Variants in SPOCK1 observed in about 807,000 individuals in gnomAD.
SPOCK1 encodes SPARC (osteonectin), cwcv and kazal like domains proteoglycan 1.
In SPOCK1, 23 loss-of-function variants were observed where a neutral mutation model predicts 55.3. That is an observed-to-expected ratio of 0.42 (90% CI 0.30 to 0.59). The LOEUF (loss-of-function observed/expected upper bound fraction) is 0.59, where lower values mean the gene tolerates loss of function less well. SPOCK1 is among the 20% of genes least tolerant of loss of function. The pLI is 0.22. For missense variants in SPOCK1, 499 were observed against 552.5 expected (o/e 0.90, Z 0.97); for synonymous variants, 226 against 221.0 (o/e 1.02, Z -0.20).
chr5:137,268,305 C>T (rs568708798), intron 2 of SPOCK1, among the ~76,000 whole-genome samples: 1 of 152,324 alleles, frequency 6.6e-6, no homozygotes, highest in East Asian at 1.9e-4. Context: ...AAACAGCTTC[C>T]TCTGGATCCA....
At chr5:137,097,340 C>G (rs1239106600) in intron 5 of SPOCK1, among the ~76,000 whole-genome samples, 13 of 152,224 alleles carry the variant, frequency 8.5e-5, no homozygotes, top group Admixed American at 8.5e-4. Context: ...GGTTCCAGTA[C>G]AGTCATCCCA....
intron 6 of SPOCK1, among the ~76,000 whole-genome samples, chr5:137,028,391 G>T (rs1298199180): frequency 2.0e-5 from 3 of 152,032 alleles, no homozygotes; most frequent in Non-Finnish European, 4.4e-5. Flanking sequence ...ACTGGAAAAA[G>T]GTATTATCCA....
intron 5 of SPOCK1, among the ~76,000 whole-genome samples, chr5:137,075,846 G>A (rs1436581389): frequency 4.6e-5 from 7 of 152,292 alleles, no homozygotes; most frequent in African/African-American, 7.2e-5. Context: ...GAACTGCCTT[G>A]GCTCACCTCC....
rs1202390790 is a variant in SPOCK1, at chr5:137,289,350, T to G, written c.187-22295A>C. Among the ~76,000 whole-genome samples the G allele has an allele frequency of 2.0e-5, 3 of 152,234 alleles. No homozygotes were observed. The East Asian group carries it at 5.8e-4, about 29-fold the overall frequency. ...TAAAGGAAATACTTGATTGGCTTGT[T>G]GCTTTTCTTTAAAACACGGCACATT... is the stretch of plus-strand genomic sequence containing the variant. On this transcript the variant is annotated intron_variant, in intron 2 of 10. Coordinates refer to ENST00000394945, the MANE Select transcript of SPOCK1 (RefSeq NM_004598.4).
chr5:137,116,775 T>G (rs571633032), intron 4 of SPOCK1, among the ~76,000 whole-genome samples: 2 of 152,212 alleles, frequency 1.3e-5, no homozygotes. Context: ...AACACACACA[T>G]GCACACTGAC....
At chr5:137,299,016 A>G (rs1430220029) in intron 2 of SPOCK1, among the ~76,000 whole-genome samples, 4 of 152,132 alleles carry the variant, frequency 2.6e-5, no homozygotes, top group Non-Finnish European at 5.9e-5. Context: ...CAGGTCTGAC[A>G]TATTCCTATT....
chr5:137,142,048 G>A (rs1754108696), intron 3 of SPOCK1, among the ~76,000 whole-genome samples: 1 of 152,192 alleles, frequency 6.6e-6, no homozygotes, highest in Non-Finnish European at 1.5e-5. Flanking sequence ...CCATCTTCAA[G>A]CTCTGGGGCC....
chr5:137,275,728 G>A (rs1757053413), intron 2 of SPOCK1, among the ~76,000 whole-genome samples: 1 of 152,178 alleles, frequency 6.6e-6, no homozygotes, highest in African/African-American at 2.4e-5. Flanking sequence ...ACCACTTTCA[G>A]GGTCTGCTGC....
intron 2 of SPOCK1, among the ~76,000 whole-genome samples, chr5:137,307,896 C>T (rs1757726073): frequency 6.6e-6 from 1 of 152,180 alleles, no homozygotes; most frequent in Non-Finnish European, 1.5e-5. Context: ...TGAGCACTTT[C>T]ATTTCCAGGA....
rs75796008 is a variant in SPOCK1 at position 137,425,012 on chromosome 5, T to A, written c.186+73361A>T. 1.0e-4 allele frequency among the ~76,000 whole-genome samples: 16 copies of A among 152,390 alleles called. No individual in the cohort carries two copies. In the East Asian group the frequency reaches 3.1e-3, roughly 29 times the overall value. On this transcript the variant is annotated intron_variant, in intron 2 of 10. Coordinates refer to ENST00000394945, the MANE Select transcript of SPOCK1 (RefSeq NM_004598.4). ...TGATCTTTTAAAAAGCAGTCTTCCC[T>A]GTTATCAATACAAGCTTCCCATTCT...
At chr5:137,422,764 T>A (rs1752529126) in intron 2 of SPOCK1, among the ~76,000 whole-genome samples, 1 of 152,250 alleles carries the variant, frequency 6.6e-6, no homozygotes, top group Non-Finnish European at 1.5e-5. Context: ...TTTGATCGTC[T>A]GAAGCCTTCT....
chr5:137,181,166 A>G (rs11955911), intron 3 of SPOCK1, among the ~76,000 whole-genome samples: 3,206 of 152,280 alleles, frequency 0.021, 119 homozygotes, highest in African/African-American at 0.073. Flanking sequence ...CAAGTTGGGC[A>G]CCGAAGAACA....
At chr5:137,367,465 G>A (rs1345890618) in intron 2 of SPOCK1, among the ~76,000 whole-genome samples, 1 of 152,144 alleles carries the variant, frequency 6.6e-6, no homozygotes, top group Non-Finnish European at 1.5e-5. Context: ...CAAGGCACCT[G>A]GGGGACACTT....
rs938666058 is a variant in SPOCK1 at position 137,257,213 on chromosome 5, C to T, written c.232+9797G>A. ...GTGAAACAGCCTACTAAAGTAATGA[C>T]TGACATTTCCTTCATATCTCTTAAC... On this transcript the variant is annotated intron_variant, in intron 3 of 10. Coordinates refer to ENST00000394945, the MANE Select transcript of SPOCK1 (RefSeq NM_004598.4). Among the ~76,000 whole-genome samples, 3 of 152,336 alleles carry T rather than the reference C, an allele frequency of 2.0e-5. No homozygotes were observed. In the South Asian group the frequency reaches 6.2e-4, roughly 32 times the overall value.
At chr5:137,460,563 T>C (rs1753465865) in intron 2 of SPOCK1, among the ~76,000 whole-genome samples, 1 of 152,260 alleles carries the variant, frequency 6.6e-6, no homozygotes, top group Middle Eastern at 3.4e-3. Flanking sequence ...AGGATGAATA[T>C]TGGACAGACA....
intron 5 of SPOCK1, among the ~76,000 whole-genome samples, chr5:137,090,078 C>T (rs991000302): frequency 6.6e-6 from 1 of 152,200 alleles, no homozygotes; most frequent in Non-Finnish European, 1.5e-5. Flanking sequence ...ACGGAATCAA[C>T]TTGGAGATGG....
At chr5:137,030,388 C>T (rs1342442921) in intron 6 of SPOCK1, among the ~76,000 whole-genome samples, 5 of 152,290 alleles carry the variant, frequency 3.3e-5, no homozygotes, top group South Asian at 2.1e-4. Context: ...CATGGCAATT[C>T]GATGCAAGAG....
intron 6 of SPOCK1, 68 bp from the exon 7 acceptor site, chr5:136,992,668 G>T: frequency 7.9e-7 from 1 of 1,267,960 alleles, no homozygotes; most frequent in Non-Finnish European, 1.1e-6. Flanking sequence ...CAGGGCTACT[G>T]GCAAAGCCAC....
chr5:136,988,698 G>A, intron 7 of SPOCK1, 55 bp from the exon 8 acceptor site: 1 of 1,520,314 alleles, frequency 6.6e-7, no homozygotes, highest in Non-Finnish European at 8.9e-7. Flanking sequence ...TTTCCTCCCT[G>A]CTCACTCCCC....
Sources: allele counts gnomAD v4.1 joint callset (sites outside exome capture counted in the v4.1 genomes callset), GRCh38; gene constraint gnomAD v4.1.1; transcripts MANE v1.5; gene names NCBI Gene and HGNC (gene_info 2026-07-23, HGNC 2026-07-21).